The following ARHGEF1 variants were observed in gnomAD, a reference collection of about 807,000 sequenced individuals.
The protein encoded by ARHGEF1 is Rho guanine nucleotide exchange factor 1.
In ARHGEF1, 40 loss-of-function variants were observed where a neutral mutation model predicts 119.7. The ratio of observed to expected loss-of-function variants is 0.33; its 90% CI spans 0.26 to 0.44. The LOEUF is 0.44. ARHGEF1 is among the 20% of genes least tolerant of loss of function. ARHGEF1 has a pLI of 1.00. For synonymous variants in ARHGEF1, 494 were observed against 521.0 expected (o/e 0.95, Z 0.71); for missense variants, 976 against 1,268.3 (o/e 0.77, Z 3.50).
In ARHGEF1 at chr19:41,906,018, T is replaced by C; in HGVS notation, c.2484T>C (p.Leu828=). Residue 828 remains leucine (L), a synonymous_variant, in exon 26 of 29, where the codon CTT becomes CTC. Coordinates refer to ENST00000354532, the MANE Select transcript of ARHGEF1 (RefSeq NM_004706.4). This position sits in a 1 kb window ranked among gnomAD's most constrained non-coding sequence, Gnocchi z 4.5. ...GPEGQLAATA[L]RKVLSLKQLL... Reference sequence around the variant, plus strand: ...AGGGCCAGCTCGCTGCCACGGCCCTTCGGAAAGGTAGCCCAGCTCTGCCCC... The same window carrying C: ...AGGGCCAGCTCGCTGCCACGGCCCTCCGGAAAGGTAGCCCAGCTCTGCCCC... 1 of 1,613,806 alleles carries C rather than the reference T, an allele frequency of 6.2e-7. No individual in the cohort carries two copies. Among genetic ancestry groups the C allele is most frequent in the Non-Finnish European group, 8.5e-7 (1 of 1,179,924 alleles).
At chr19:41,900,340 C>CA (rs112337775) in intron 14 of ARHGEF1, among the ~76,000 whole-genome samples, 19 of 150,022 alleles carry the variant, frequency 1.3e-4, no homozygotes, top group African/African-American at 3.7e-4. Flanking sequence ...GACTGTGTCT[C>CA]AAAAAAAAAG....
Position 41,903,120 on chromosome 19 carries a change from C to G in ARHGEF1, c.1739-187C>G, listed in dbSNP as rs1474773804. On this transcript the variant is annotated intron_variant, in intron 18 of 28. Transcript: ENST00000354532. This position sits in a 1 kb window ranked among gnomAD's most constrained non-coding sequence, Gnocchi z 4.2. ...TTTTTTTTTTAGAGACGGGGTCTCG[C>G]CATGTTGCCCAGGCTGGCTTTGAAC... Among the ~76,000 whole-genome samples the G allele has an allele frequency of 6.6e-6, 1 of 151,880 alleles. No homozygotes were observed. Among genetic ancestry groups the G allele is most frequent in the African/African-American group, 2.4e-5 (1 of 41,310 alleles).
At chr19:41,928,977 T>C in exon 2 of ARHGEF1, 1 of 452,352 alleles carries the variant, frequency 2.2e-6, no homozygotes. Context: ...CAGAGGGACA[T>C]ATGGATACAG....
intron 8 of ARHGEF1, 66 bp downstream of exon 8, chr19:41,893,369 C>T: frequency 7.2e-7 from 1 of 1,389,268 alleles, no homozygotes; most frequent in Non-Finnish European, 9.7e-7. Context: ...AGGGCCTGGA[C>T]TCCTGGGTCT....
chr19:41,902,138 T>TG lies in ARHGEF1; in HGVS notation c.1414+110dup, dbSNP rs1341121297. 2.5e-5 allele frequency: 39 copies of TG among 1,560,602 alleles called. No individual in the cohort carries two copies. Among genetic ancestry groups the TG allele is most frequent in the Non-Finnish European group, 1.7e-5 (19 of 1,146,138 alleles). On this transcript the variant is annotated intron_variant, in intron 15 of 28. Coordinates refer to ENST00000354532, the MANE Select transcript of ARHGEF1 (RefSeq NM_004706.4). The surrounding 1 kb of genome is among the most constrained non-coding windows in gnomAD (Gnocchi z 6.5). Reference sequence around the variant, plus strand: ...CGGGAACCCCAGGGTTCACATGGGGTGGGGGCAGATACGCCATCCGGTCCC... The same window carrying TG: ...CGGGAACCCCAGGGTTCACATGGGGTGGGGGGCAGATACGCCATCCGGTCCC...
chr19:41,929,034 GACAGAC>G (rs1208034248), intron 2 of ARHGEF1: 5 of 389,326 alleles, frequency 1.3e-5, no homozygotes, highest in African/African-American at 1.0e-4. Flanking sequence ...CCTACAGAGA[GACAGAC>G]ACAGACACAC....
Position 41,907,372 on chromosome 19 carries a change from A to AC in ARHGEF1, c.*290dup. The AC allele has an allele frequency of 6.5e-7, 1 of 1,532,080 alleles. No homozygotes were observed. The highest frequency in any genetic ancestry group is 2.5e-5 in the East Asian group (1 of 40,750). The allele number at this position is 1,532,080 out of a possible 1,614,324, so 94.9% of individuals were successfully genotyped here. On this transcript the variant is annotated 3_prime_UTR_variant, in exon 29 of 29. Coordinates refer to ENST00000354532, the MANE Select transcript of ARHGEF1 (RefSeq NM_004706.4). ...TATTGCCTGTGGGGGCCACCCCTCCACCCCCACCCCCAAGTGCCTTCGCTC... is the reference window on the plus strand; with the variant it reads ...TATTGCCTGTGGGGGCCACCCCTCCACCCCCCACCCCCAAGTGCCTTCGCTC...
chr19:41,906,184 C>T lies in ARHGEF1; in HGVS notation c.2491+159C>T, dbSNP rs879990682. ...CCTGCACCACTGTCCTGGGTGCCCA[C>T]GTCCCTCTTCTGCAGCCACCATCCC... On this transcript the variant is annotated intron_variant, in intron 26 of 28. Transcript: ENST00000354532. The surrounding 1 kb of genome is among the most constrained non-coding windows in gnomAD (Gnocchi z 4.5). 4.2e-6 allele frequency: 3 copies of T among 707,196 alleles called. No homozygotes were observed. The highest frequency in any genetic ancestry group is 2.6e-5 in the Admixed American group (1 of 38,140). The allele number at this position is 707,196 out of a possible 1,614,324, so 43.8% of individuals were successfully genotyped here.
At chr19:41,914,969 C>T (rs186540406) in intron 18 of ARHGEF1, among the ~76,000 whole-genome samples, 14,474 of 78,100 alleles carry the variant, frequency 0.19, 3,682 homozygotes, top group African/African-American at 0.68. Flanking sequence ...TCTGTCTCTC[C>T]CTCCCTCCCC....
At position 41,883,587 on chromosome 19, in the gene ARHGEF1, C is replaced by T. The variant is rs571239327; in HGVS notation, c.-20+298C>T. Among the ~76,000 whole-genome samples, 1 of 152,194 alleles carries T rather than the reference C, an allele frequency of 6.6e-6. No individual in the cohort carries two copies. On this transcript the variant is annotated intron_variant, in intron 1 of 28. Coordinates refer to ENST00000354532, the MANE Select transcript of ARHGEF1 (RefSeq NM_004706.4). This position sits in a 1 kb window ranked among gnomAD's most constrained non-coding sequence, Gnocchi z 7.6. The stretch of plus-strand genomic sequence containing the variant: ...CACTACCATTGTACGGGTGGGGAAA[C>T]CGAGGCCCGGGGAGCCAAACCGACT...
At chr19:41,914,115 A>G (rs1015987780) in intron 18 of ARHGEF1, among the ~76,000 whole-genome samples, 4 of 85,730 alleles carry the variant, frequency 4.7e-5, no homozygotes, top group African/African-American at 1.9e-4. Context: ...CAGACACCCC[A>G]TGTCCCCTCA....
chr19:41,885,706 C>T (rs782565381), intron 1 of ARHGEF1, among the ~76,000 whole-genome samples: 3 of 152,064 alleles, frequency 2.0e-5, no homozygotes, highest in Admixed American at 6.5e-5. Context: ...GTGATCCGCC[C>T]GCCTTGGTCT....
chr19:41,896,398 TG>T lies in ARHGEF1; in HGVS notation c.1042del (p.Asp348ThrfsTer8). 6.9e-7 allele frequency: 1 copy of T among 1,442,424 alleles called. No homozygotes were observed. Among genetic ancestry groups the T allele is most frequent in the South Asian group, 1.6e-5 (1 of 62,612 alleles). The allele number at this position is 1,442,424 out of a possible 1,614,324, so 89.4% of individuals were successfully genotyped here. ...ACAGGTGCTGACGCCCCCCTGGAGC[TG>T]GGGGACTCATCCCCGCAGGGCCCAA... is the stretch of plus-strand genomic sequence containing the variant. ...REPGADAPLE[L>X]GDSSPQGPMS... On this transcript the variant is annotated frameshift_variant, in exon 13 of 29. Transcript: ENST00000354532. LOFTEE classifies it high-confidence loss of function.
chr19:41,920,700 C>G (rs1010335571), upstream of ARHGEF1, among the ~76,000 whole-genome samples: 3 of 152,264 alleles, frequency 2.0e-5, no homozygotes, highest in Non-Finnish European at 4.4e-5. Context: ...GTCACACAGT[C>G]ATGTGCACAT....
chr19:41,896,333 G>GC lies in ARHGEF1; in HGVS notation c.1016-42dup, dbSNP rs11368847. The GC allele has an allele frequency of 0.084, 98,264 of 1,166,518 alleles. 17,782 individuals are homozygous for GC. Among genetic ancestry groups the GC allele is most frequent in the African/African-American group, 0.69 (42,908 of 62,042 alleles). 72.3% of individuals were successfully genotyped at this position (1,166,518 alleles called of 1,614,324 possible). On this transcript the variant is annotated intron_variant, in intron 12 of 28. Transcript: ENST00000354532. ...AGGCCCCCAGAGTGTGGGTCTCGTG[G>GC]CCGCAGAGGCCTTCCAGCCAGCCCT...
Position 41,906,646 on chromosome 19 carries a change from C to T in ARHGEF1, c.2655+26C>T. ...GTGGGGCGGGACGGGCCAGGGGTGC[C>T]CTGAGTGGGCTGGGGAAGGAAGGGG... On this transcript the variant is annotated intron_variant, in intron 27 of 28. Transcript: ENST00000354532. This position sits in a 1 kb window ranked among gnomAD's most constrained non-coding sequence, Gnocchi z 4.5. The T allele has an allele frequency of 6.2e-7, 1 of 1,600,602 alleles. No individual in the cohort carries two copies. The highest frequency in any genetic ancestry group is 8.5e-7 in the Non-Finnish European group (1 of 1,175,606).
At chr19:41,910,723 G>T (rs549279750), downstream of ARHGEF1, among the ~76,000 whole-genome samples, 2 of 152,232 alleles carry the variant, frequency 1.3e-5, no homozygotes, top group South Asian at 4.1e-4. The surrounding 1 kb of genome is among the most constrained non-coding windows in gnomAD (Gnocchi z 4.4). Context: ...AACGATGTGT[G>T]TGTGTGCGTG....
intron 18 of ARHGEF1, among the ~76,000 whole-genome samples, chr19:41,914,980 C>CTT: frequency 8.3e-6 from 1 of 120,998 alleles, no homozygotes; most frequent in African/African-American, 3.5e-5. Context: ...CTCCCTCCCC[C>CTT]TCCAGCATCT....
chr19:41,892,298 C>A lies in ARHGEF1; in HGVS notation c.325-33C>A. 6.2e-7 allele frequency: 1 copy of A among 1,613,156 alleles called. No individual in the cohort carries two copies. On this transcript the variant is annotated intron_variant, in intron 5 of 28. Transcript: ENST00000354532. The surrounding 1 kb of genome is among the most constrained non-coding windows in gnomAD (Gnocchi z 6.3). ...CGGCCTGCATCTCAGCACACCAAGTCCTCCTCTTCACCCCATTCTCTCTCT... is the reference window on the plus strand; with the variant it reads ...CGGCCTGCATCTCAGCACACCAAGTACTCCTCTTCACCCCATTCTCTCTCT...
Sources: gnomAD v4.1 joint callset for allele counts (sites outside exome capture counted in the v4.1 genomes callset) on GRCh38, gnomAD v4.1.1 for gene constraint, Gnocchi (gnomAD v3.1) non-coding constraint, MANE v1.5 for transcripts, NCBI Gene and HGNC (gene_info 2026-07-23, HGNC 2026-07-21) for gene names.